The following NALF1 variants were observed in gnomAD, a reference collection of about 807,000 sequenced individuals.
The protein encoded by NALF1 is family with sequence similarity 155 member A.
A neutral mutation model predicts 48.4 loss-of-function variants in NALF1; 3 were observed. That is an observed-to-expected ratio of 0.06 (90% CI 0.03 to 0.16). The LOEUF (loss-of-function observed/expected upper bound fraction) is 0.16. Ranked by LOEUF, NALF1 falls within the 10% of genes least tolerant of loss-of-function variation. NALF1 has a pLI of 1.00. For synonymous variants in NALF1, 262 were observed against 245.7 expected, an observed-to-expected ratio of 1.07 and a Z score of -0.62; for missense variants, 526 against 571.5, an observed-to-expected ratio of 0.92 and a Z score of 0.81.
intron 1 of NALF1, among the ~76,000 whole-genome samples, chr13:107,510,826 T>C (rs2139087150): frequency 6.6e-6 from 1 of 152,216 alleles, no homozygotes; most frequent in East Asian, 1.9e-4. Flanking sequence ...TGGTCAAAAT[T>C]CTCTCCATCC....
intron 2 of NALF1, among the ~76,000 whole-genome samples, chr13:107,180,843 T>C (rs796598099): frequency 6.6e-6 from 1 of 151,968 alleles, no homozygotes; most frequent in Non-Finnish European, 1.5e-5. Flanking sequence ...GGATAGTTTA[T>C]ATGGCGTGAA....
intron 1 of NALF1, among the ~76,000 whole-genome samples, chr13:107,390,557 G>C (rs1435764172): frequency 3.3e-5 from 5 of 151,896 alleles, no homozygotes; most frequent in Non-Finnish European, 7.4e-5. Flanking sequence ...GTATTGCCTG[G>C]GCGACAGAGC....
At chr13:107,315,202 G>A (rs2138907918) in intron 1 of NALF1, among the ~76,000 whole-genome samples, 1 of 151,960 alleles carries the variant, frequency 6.6e-6, no homozygotes, top group South Asian at 2.1e-4. Context: ...CCTTTCATTT[G>A]TATACAGTAA....
chr13:107,778,642 G>T (rs1877804964), intron 1 of NALF1, among the ~76,000 whole-genome samples: 1 of 151,894 alleles, frequency 6.6e-6, no homozygotes, highest in South Asian at 2.1e-4. Context: ...TGAGTAAACT[G>T]CCTATGTTTA....
At chr13:107,299,519 A>C (rs1881797953) in intron 1 of NALF1, among the ~76,000 whole-genome samples, 1 of 150,384 alleles carries the variant, frequency 6.6e-6, no homozygotes, top group African/African-American at 2.4e-5. Flanking sequence ...AGGCTACACT[A>C]ACATCCTATT....
intron 1 of NALF1, among the ~76,000 whole-genome samples, chr13:107,619,047 A>C (rs1879457702): frequency 6.6e-6 from 1 of 152,202 alleles, no homozygotes; most frequent in Admixed American, 6.5e-5. Context: ...CTGTTCACTA[A>C]GGCAGCCACT....
At chr13:107,735,581 G>A (rs1048757058) in intron 1 of NALF1, among the ~76,000 whole-genome samples, 1 of 152,192 alleles carries the variant, frequency 6.6e-6, no homozygotes, top group Admixed American at 6.6e-5. Flanking sequence ...TAAGTGGCAA[G>A]AAGTAAACAG....
chr13:107,646,165 G>A (rs1880309508), intron 1 of NALF1, among the ~76,000 whole-genome samples: 1 of 151,880 alleles, frequency 6.6e-6, no homozygotes, highest in African/African-American at 2.4e-5. Context: ...GTTCTCAGTG[G>A]GAACGCTGGT....
intron 1 of NALF1, among the ~76,000 whole-genome samples, chr13:107,577,060 T>C (rs575264206): frequency 6.6e-6 from 1 of 152,284 alleles, no homozygotes; most frequent in South Asian, 2.1e-4. Flanking sequence ...CTTTTTCATA[T>C]AATAAACTGG....
chr13:107,549,800 G>A (rs2139127892), intron 1 of NALF1, among the ~76,000 whole-genome samples: 1 of 151,722 alleles, frequency 6.6e-6, no homozygotes, highest in Non-Finnish European at 1.5e-5. Flanking sequence ...TGGAGCTTAT[G>A]GAATTTTCCT....
intron 1 of NALF1, among the ~76,000 whole-genome samples, chr13:107,672,719 G>A (rs910025575): frequency 6.6e-6 from 1 of 151,972 alleles, no homozygotes; most frequent in Non-Finnish European, 1.5e-5. Flanking sequence ...CAGCAATTCT[G>A]TCAATACTTT....
At chr13:107,626,605 C>T (rs1594168776) in intron 1 of NALF1, among the ~76,000 whole-genome samples, 1 of 152,052 alleles carries the variant, frequency 6.6e-6, no homozygotes, top group East Asian at 1.9e-4. Context: ...AATAAAATGT[C>T]ATCATCTGCA....
chr13:107,206,781 C>A (rs535132342), intron 2 of NALF1, among the ~76,000 whole-genome samples: 1 of 152,192 alleles, frequency 6.6e-6, no homozygotes, highest in African/African-American at 2.4e-5. Context: ...AAAACTGATG[C>A]TCACATGGAC....
chr13:107,308,342 A>C (rs1881980698), intron 1 of NALF1, among the ~76,000 whole-genome samples: 1 of 151,368 alleles, frequency 6.6e-6, no homozygotes, highest in Non-Finnish European at 1.5e-5. Flanking sequence ...GCTGGGACTA[A>C]AGGTACCCGC....
At chr13:107,474,824 G>C (rs1885154277) in intron 1 of NALF1, among the ~76,000 whole-genome samples, 2 of 152,068 alleles carry the variant, frequency 1.3e-5, no homozygotes, top group African/African-American at 4.8e-5. Context: ...TCTGTGCCTG[G>C]GTTCTTTTGT....
chr13:107,539,103 C>T (rs1179188214), intron 1 of NALF1, among the ~76,000 whole-genome samples: 1 of 151,814 alleles, frequency 6.6e-6, no homozygotes, highest in Non-Finnish European at 1.5e-5. Context: ...AATTTGGGTA[C>T]TAGGCTGTGG....
At chr13:107,673,329 C>G (rs1453239640) in intron 1 of NALF1, among the ~76,000 whole-genome samples, 2 of 152,152 alleles carry the variant, frequency 1.3e-5, no homozygotes, top group African/African-American at 4.8e-5. Context: ...CCATACCCCT[C>G]TTATAGCCAG....
intron 1 of NALF1, among the ~76,000 whole-genome samples, chr13:107,439,746 C>T (rs1053464289): frequency 7.9e-5 from 12 of 152,178 alleles, no homozygotes; most frequent in African/African-American, 2.7e-4. Flanking sequence ...GAGTACGTGT[C>T]ATGATTTCAG....
At chr13:107,806,174 A>G (rs1445307060) in intron 1 of NALF1, among the ~76,000 whole-genome samples, 4 of 152,168 alleles carry the variant, frequency 2.6e-5, no homozygotes, top group African/African-American at 9.6e-5. Flanking sequence ...CCTAGATTCC[A>G]ATACCAAAGA....
Sources: allele counts gnomAD v4.1 joint callset (sites outside exome capture counted in the v4.1 genomes callset), GRCh38; gene constraint gnomAD v4.1.1; transcripts MANE v1.5; gene names NCBI Gene and HGNC (gene_info 2026-07-23, HGNC 2026-07-21).